RAB8B: variants seen among roughly 807,000 people sequenced by gnomAD.
RAB8B encodes RAB8B, member RAS oncogene family.
RAB8B carries 11 observed loss-of-function variants against 32.0 expected under a neutral mutation model. The ratio of observed to expected loss-of-function variants is 0.34; its 90% CI spans 0.22 to 0.57. The LOEUF is 0.57. RAB8B is among the 20% of genes least tolerant of loss of function. RAB8B has a pLI of 0.86. For synonymous variants in RAB8B, 103 were observed against 89.6 expected, an observed-to-expected ratio of 1.15 and a Z score of -0.85; for missense variants, 190 against 258.5, an observed-to-expected ratio of 0.73 and a Z score of 1.82.
intron 5 of RAB8B, 70 bp downstream of exon 5, chr15:63,256,664 T>A: frequency 8.7e-7 from 1 of 1,143,306 alleles, no homozygotes; most frequent in Non-Finnish European, 1.2e-6. Flanking sequence ...TCATATTATT[T>A]AATTATTGAT....
chr15:63,205,167 G>A (rs2037687827), intron 1 of RAB8B, among the ~76,000 whole-genome samples: 1 of 152,162 alleles, frequency 6.6e-6, no homozygotes, highest in South Asian at 2.1e-4. Flanking sequence ...GGGCATGATG[G>A]TGGGCACCTG....
intron 2 of RAB8B, among the ~76,000 whole-genome samples, chr15:63,247,934 T>C (rs2038084279): frequency 6.6e-6 from 1 of 152,240 alleles, no homozygotes; most frequent in African/African-American, 2.4e-5. Flanking sequence ...AAGGTTACTA[T>C]AGGCTGCCCT....
chr15:63,264,121 T>C lies in RAB8B; in HGVS notation c.*502T>C, dbSNP rs1185089955. 1 of 152,392 alleles carries C rather than the reference T, an allele frequency of 6.6e-6. No individual in the cohort carries two copies. Among genetic ancestry groups the C allele is most frequent in the African/African-American group, 2.4e-5 (1 of 41,458 alleles). The allele number at this position is 152,392 out of a possible 1,614,324, so 9.4% of individuals were successfully genotyped here. A position where few individuals can be genotyped will look rare whatever the true frequency, so the allele number is the denominator to read the frequency against. ...TGGTAGCATTTATTTAAGGGCTTTT[T>C]CTTAAATAAGAATCATTAAAGTCAT... On this transcript the variant is annotated 3_prime_UTR_variant, in exon 8 of 8. Transcript: ENST00000321437.
At chr15:63,240,809 A>C (rs1027166409) in intron 1 of RAB8B, among the ~76,000 whole-genome samples, 19 of 148,464 alleles carry the variant, frequency 1.3e-4, no homozygotes, top group African/African-American at 2.2e-4. Flanking sequence ...TTCCTAACAA[A>C]AAAAAAAAAA....
intron 1 of RAB8B, among the ~76,000 whole-genome samples, chr15:63,221,756 C>T (rs1198005847): frequency 6.6e-6 from 1 of 152,048 alleles, no homozygotes; most frequent in Non-Finnish European, 1.5e-5. Context: ...CCTGGGCTCA[C>T]GAATTAATAG....
intron 3 of RAB8B, among the ~76,000 whole-genome samples, chr15:63,252,939 G>C (rs2038129121): frequency 6.6e-6 from 1 of 152,028 alleles, no homozygotes; most frequent in Admixed American, 6.6e-5. Context: ...ATAGAGATGG[G>C]GTTTCCCCAT....
At chr15:63,261,693 G>T (rs1228925949) in intron 6 of RAB8B, among the ~76,000 whole-genome samples, 1 of 152,214 alleles carries the variant, frequency 6.6e-6, no homozygotes, top group African/African-American at 2.4e-5. Flanking sequence ...CACTGACAAT[G>T]AGTAATAATA....
intron 1 of RAB8B, among the ~76,000 whole-genome samples, chr15:63,229,893 T>C (rs2037922013): frequency 6.6e-6 from 1 of 151,414 alleles, no homozygotes; most frequent in African/African-American, 2.4e-5. Flanking sequence ...TTAAGGTGAA[T>C]GGCTACATAT....
At chr15:63,262,947 T>C (rs527995362) in intron 7 of RAB8B, among the ~76,000 whole-genome samples, 1 of 152,280 alleles carries the variant, frequency 6.6e-6, no homozygotes, top group Admixed American at 6.5e-5. Context: ...CTTCTGGCTC[T>C]TTAAGTGATC....
chr15:63,235,459 C>T (rs190973651), intron 1 of RAB8B, among the ~76,000 whole-genome samples: 2 of 152,094 alleles, frequency 1.3e-5, no homozygotes, highest in Non-Finnish European at 2.9e-5. Flanking sequence ...AACTTTTAGA[C>T]CTATTAAAGT....
intron 1 of RAB8B, among the ~76,000 whole-genome samples, chr15:63,242,002 A>G (rs2038036355): frequency 6.6e-6 from 1 of 151,624 alleles, no homozygotes; most frequent in Admixed American, 6.6e-5. Context: ...AATATGAGCC[A>G]GATAACTTGG....
intron 2 of RAB8B, among the ~76,000 whole-genome samples, chr15:63,245,968 G>T (rs1036629961): frequency 2.0e-5 from 3 of 152,180 alleles, no homozygotes; most frequent in African/African-American, 7.2e-5. Flanking sequence ...CACCTCCCGG[G>T]TTCAAGCGAT....
At chr15:63,221,555 A>T (rs751947057) in intron 1 of RAB8B, among the ~76,000 whole-genome samples, 10 of 152,104 alleles carry the variant, frequency 6.6e-5, no homozygotes, top group Admixed American at 2.0e-4. Context: ...CCAGCATATG[A>T]CACTCCCAGT....
At chr15:63,228,211 C>T (rs1387937360) in intron 1 of RAB8B, among the ~76,000 whole-genome samples, 1 of 152,078 alleles carries the variant, frequency 6.6e-6, no homozygotes. Flanking sequence ...AGAGTAGGGT[C>T]TCCTTTGTGG....
chr15:63,197,370 C>CTTTTTTT (rs58765418), intron 1 of RAB8B, among the ~76,000 whole-genome samples: 120 of 61,436 alleles, frequency 2.0e-3, no homozygotes, highest in East Asian at 3.0e-3. Flanking sequence ...TCTTTCTTTT[C>CTTTTTTT]TTTTTTTTTT....
chr15:63,252,229 T>C (rs984787949), intron 3 of RAB8B, among the ~76,000 whole-genome samples: 2 of 152,080 alleles, frequency 1.3e-5, no homozygotes, highest in Non-Finnish European at 1.5e-5. Flanking sequence ...ATTTCTGCTA[T>C]TGAAACTGAA....
chr15:63,262,811 T>A, intron 7 of RAB8B, 69 bp downstream of exon 7: 1 of 699,694 alleles, frequency 1.4e-6, no homozygotes, highest in Non-Finnish European at 2.1e-6. Context: ...AGGATAGGTC[T>A]AATTATAAGA....
At chr15:63,257,994 C>T (rs1448795507) in intron 5 of RAB8B, among the ~76,000 whole-genome samples, 2 of 148,038 alleles carry the variant, frequency 1.4e-5, no homozygotes, top group South Asian at 2.1e-4. Flanking sequence ...ACCCAGGAGG[C>T]GGAGGTTGCA....
At chr15:63,203,343 T>A (rs1461225246) in intron 1 of RAB8B, among the ~76,000 whole-genome samples, 1 of 152,248 alleles carries the variant, frequency 6.6e-6, no homozygotes, top group Non-Finnish European at 1.5e-5. Flanking sequence ...AAAGTTCAAA[T>A]TCCTGTTTGA....
Sources: allele counts gnomAD v4.1 joint callset (sites outside exome capture counted in the v4.1 genomes callset), GRCh38; gene constraint gnomAD v4.1.1; transcripts MANE v1.5; gene names NCBI Gene and HGNC (gene_info 2026-07-23, HGNC 2026-07-21).